The following LRP1B variants were observed in gnomAD, a reference collection of about 807,000 sequenced individuals.
LRP1B encodes the protein LDL receptor related protein 1B.
LRP1B carries 217 observed loss-of-function variants against 556.6 expected under a neutral mutation model. The observed-to-expected ratio is 0.39, with a 90% CI of 0.35 to 0.44. The LOEUF is 0.44. Among genes scored for constraint, LRP1B ranks in the 20% least tolerant of loss-of-function variants. The probability of loss-of-function intolerance (pLI) is 1.00; values close to 1 mark genes in which losing one functional copy is unlikely to be tolerated. For synonymous variants in LRP1B, 2,047 were observed against 1,865.8 expected (o/e 1.10, Z -2.50); for missense variants, 5,053 against 5,620.8 (o/e 0.90, Z 3.23).
chr2:140,253,737 A>G lies in LRP1B; in HGVS notation c.13248-6575T>C, dbSNP rs969366134. Among the ~76,000 whole-genome samples the G allele has an allele frequency of 3.5e-4, 53 of 152,282 alleles. 1 individual carries two copies. Among genetic ancestry groups the G allele is most frequent in the African/African-American group, 1.2e-3 (51 of 41,576 alleles). Reference sequence around the variant, plus strand: ...TGAGTGAGAAGACAATTTCTATTTAACTGAATACATTACATGCATCAACTG... The same window carrying G: ...TGAGTGAGAAGACAATTTCTATTTAGCTGAATACATTACATGCATCAACTG... On this transcript the variant is annotated intron_variant, in intron 86 of 90. Coordinates refer to ENST00000389484, the MANE Select transcript of LRP1B (RefSeq NM_018557.3).
At chr2:140,529,582 C>T (rs991306039) in intron 47 of LRP1B, among the ~76,000 whole-genome samples, 19 of 151,980 alleles carry the variant, frequency 1.3e-4, no homozygotes, top group African/African-American at 4.6e-4. Context: ...CTATGTTTAT[C>T]CTTTTCCTTT....
intron 1 of LRP1B, among the ~76,000 whole-genome samples, chr2:141,968,331 C>T (rs1701622437): frequency 6.6e-6 from 1 of 151,780 alleles, no homozygotes; most frequent in African/African-American, 2.4e-5. Flanking sequence ...TGCCCTTCTA[C>T]TGCCTTGTAA....
chr2:140,312,707 A>G (rs1684359319), intron 83 of LRP1B, among the ~76,000 whole-genome samples: 1 of 151,914 alleles, frequency 6.6e-6, no homozygotes, highest in Non-Finnish European at 1.5e-5. Context: ...TATTGATATA[A>G]TCAATATCAA....
intron 3 of LRP1B, among the ~76,000 whole-genome samples, chr2:141,329,386 C>CAAAA (rs3038417): frequency 0.057 from 6,410 of 111,520 alleles, 339 homozygotes; most frequent in African/African-American, 0.13. Flanking sequence ...AAAACTCCGT[C>CAAAA]AAAAAAAAAA....
intron 1 of LRP1B, among the ~76,000 whole-genome samples, chr2:142,074,957 TCC>T (rs1413507707): frequency 6.6e-6 from 1 of 152,106 alleles, no homozygotes; most frequent in Admixed American, 6.6e-5. Flanking sequence ...CTTGTCGGTG[TCC>T]ATTCCACAAA....
chr2:140,864,424 G>T (rs1045323048), intron 27 of LRP1B, among the ~76,000 whole-genome samples: 1 of 152,052 alleles, frequency 6.6e-6, no homozygotes, highest in African/African-American at 2.4e-5. Flanking sequence ...TAATTGGTAT[G>T]TGTGAGAAGG....
At chr2:141,890,628 C>T (rs1225074485) in intron 1 of LRP1B, among the ~76,000 whole-genome samples, 3 of 151,676 alleles carry the variant, frequency 2.0e-5, no homozygotes, top group Non-Finnish European at 4.4e-5. Context: ...ACACCAGGGC[C>T]CCGACAGTCA....
chr2:141,942,968 C>T (rs556412930), intron 1 of LRP1B, among the ~76,000 whole-genome samples: 79 of 152,088 alleles, frequency 5.2e-4, no homozygotes, highest in Non-Finnish European at 8.2e-4. Flanking sequence ...ATACATTATT[C>T]GTATTTGAAT....
chr2:140,689,597 A>T (rs1686166986), intron 41 of LRP1B, among the ~76,000 whole-genome samples: 1 of 152,224 alleles, frequency 6.6e-6, no homozygotes, highest in African/African-American at 2.4e-5. Context: ...TCACCTATAC[A>T]GAGCTTACTT....
At chr2:140,674,351 G>C (rs970336438) in intron 41 of LRP1B, among the ~76,000 whole-genome samples, 1 of 152,134 alleles carries the variant, frequency 6.6e-6, no homozygotes, top group African/African-American at 2.4e-5. Flanking sequence ...TTTACTGAGA[G>C]TCAAACACCT....
intron 3 of LRP1B, among the ~76,000 whole-genome samples, chr2:141,443,451 A>G (rs1329229872): frequency 6.6e-6 from 1 of 152,014 alleles, no homozygotes; most frequent in East Asian, 1.9e-4. Flanking sequence ...CTGATTTGTC[A>G]ATTTTGGCTT....
chr2:141,546,533 G>A (rs62169788), intron 2 of LRP1B, among the ~76,000 whole-genome samples: 4,485 of 151,720 alleles, frequency 0.03, 115 homozygotes, highest in East Asian at 0.13. Context: ...ATCTTTTGTC[G>A]GCTACTCTTA....
At chr2:141,121,102 C>G (rs181205433) in intron 7 of LRP1B, among the ~76,000 whole-genome samples, 134 of 152,092 alleles carry the variant, frequency 8.8e-4, no homozygotes, top group African/African-American at 3.2e-3. Flanking sequence ...ACCACCTATG[C>G]GACACTGGCA....
intron 1 of LRP1B, among the ~76,000 whole-genome samples, chr2:141,819,169 C>T (rs1364400892): frequency 2.0e-5 from 3 of 151,624 alleles, no homozygotes; most frequent in African/African-American, 4.8e-5. Context: ...ACCCGGGAGG[C>T]GGAGGTTGCA....
intron 1 of LRP1B, among the ~76,000 whole-genome samples, chr2:142,097,599 T>G (rs1706420450): frequency 6.6e-6 from 1 of 151,626 alleles, no homozygotes; most frequent in Non-Finnish European, 1.5e-5. Flanking sequence ...TTTTAAAACT[T>G]AAGTGAGCTA....
At chr2:140,787,558 ATTTTTTTTTTTTTTTTT>A (rs756825067) in intron 32 of LRP1B, among the ~76,000 whole-genome samples, 3 of 44,628 alleles carry the variant, frequency 6.7e-5, no homozygotes, top group Non-Finnish European at 1.1e-4. Context: ...AAAACAGAAG[ATTTTTTTTTTTTTTTTT>A]TTTTTTTTTT....
At position 141,604,196 on chromosome 2, in the gene LRP1B, C is replaced by T. The variant is rs1000810796; in HGVS notation, c.206-123663G>A. Among the ~76,000 whole-genome samples, 7 of 152,184 alleles carry T rather than the reference C, an allele frequency of 4.6e-5. No individual in the cohort carries two copies. The Middle Eastern group carries it at 0.01, about 223-fold the overall frequency. On this transcript the variant is annotated intron_variant, in intron 2 of 90. Transcript: ENST00000389484. ...CATTTACTAAAGCAGCAAATCTTTA[C>T]ATAATGAAACTATTATATAAATTTT...
At chr2:141,516,464 A>C (rs767329053) in intron 2 of LRP1B, among the ~76,000 whole-genome samples, 1 of 152,132 alleles carries the variant, frequency 6.6e-6, no homozygotes, top group Non-Finnish European at 1.5e-5. Flanking sequence ...CTAAACTATT[A>C]TTTTCCTGGG....
At chr2:141,528,244 G>A (rs550278273) in intron 2 of LRP1B, among the ~76,000 whole-genome samples, 17 of 151,804 alleles carry the variant, frequency 1.1e-4, no homozygotes, top group Admixed American at 9.2e-4. Context: ...CTCTCATAAC[G>A]GGTTAAGTAT....
Sources: gnomAD v4.1 joint callset for allele counts (sites outside exome capture counted in the v4.1 genomes callset) on GRCh38, gnomAD v4.1.1 for gene constraint, MANE v1.5 for transcripts, NCBI Gene and HGNC (gene_info 2026-07-23, HGNC 2026-07-21) for gene names.